STPG2: variants seen among roughly 807,000 people sequenced by gnomAD.
STPG2 encodes the protein sperm tail PG-rich repeat containing 2.
A neutral mutation model predicts 54.2 loss-of-function variants in STPG2; 56 were observed. The ratio of observed to expected loss-of-function variants is 1.03; its 90% confidence interval spans 0.83 to 1.29. The LOEUF (loss-of-function observed/expected upper bound fraction) is 1.29, where lower values mean the gene tolerates loss of function less well. Among genes scored for constraint, STPG2 ranks in the 50% most tolerant of loss-of-function variants. The pLI is 0.00. For synonymous variants in STPG2, 200 were observed against 181.8 expected, an observed-to-expected ratio of 1.10 and a Z score of -0.81; for missense variants, 596 against 544.9, an observed-to-expected ratio of 1.09 and a Z score of -0.93.
chr4:97,548,485 A>G (rs1458919459), intron 4 of STPG2, among the ~76,000 whole-genome samples: 5 of 152,164 alleles, frequency 3.3e-5, no homozygotes, highest in African/African-American at 9.7e-5. Context: ...CTTGTTCACA[A>G]CTACATTCCC....
At chr4:98,016,053 G>C (rs867379451) in intron 5 of STPG2, among the ~76,000 whole-genome samples, 1 of 152,156 alleles carries the variant, frequency 6.6e-6, no homozygotes, top group African/African-American at 2.4e-5. Flanking sequence ...TCCAGGGCCT[G>C]TGTGGGGGTG....
intron 10 of STPG2, among the ~76,000 whole-genome samples, chr4:97,635,009 C>G (rs376252410): frequency 1.8e-4 from 28 of 151,996 alleles, no homozygotes; most frequent in East Asian, 5.8e-4. Flanking sequence ...GATACTCCTC[C>G]AGAAGAGCAA....
chr4:97,573,885 C>T (rs1732658892), intron 10 of STPG2, among the ~76,000 whole-genome samples: 1 of 152,042 alleles, frequency 6.6e-6, no homozygotes. Context: ...GCTGATAGAG[C>T]CAGTGCCCTT....
chr4:97,645,612 TG>T (rs1452165906), intron 10 of STPG2, among the ~76,000 whole-genome samples: 1 of 152,068 alleles, frequency 6.6e-6, no homozygotes, highest in African/African-American at 2.4e-5. Flanking sequence ...TTTATGATCA[TG>T]GGGGGTTGGC....
intron 10 of STPG2, among the ~76,000 whole-genome samples, chr4:97,636,995 G>T (rs1324006804): frequency 3.3e-5 from 5 of 152,290 alleles, no homozygotes; most frequent in East Asian, 1.9e-4. Flanking sequence ...CATTTTATGA[G>T]GCCAGCATCA....
intron 10 of STPG2, among the ~76,000 whole-genome samples, chr4:97,571,874 T>G (rs1348687755): frequency 6.6e-6 from 1 of 152,178 alleles, no homozygotes; most frequent in African/African-American, 2.4e-5. Flanking sequence ...TGACATATCT[T>G]TTGGCTTTTT....
intron 5 of STPG2, among the ~76,000 whole-genome samples, chr4:97,987,616 A>G (rs963439918): frequency 1.6e-4 from 24 of 152,174 alleles, no homozygotes; most frequent in Admixed American, 4.6e-4. Flanking sequence ...TTTTATACTT[A>G]TCAATTCAAA....
chr4:97,903,139 G>A (rs149170005), intron 8 of STPG2, among the ~76,000 whole-genome samples: 7 of 152,162 alleles, frequency 4.6e-5, no homozygotes, highest in East Asian at 1.9e-4. Flanking sequence ...GACACCTACC[G>A]CACAGCATAG....
chr4:97,955,850 G>T (rs923205452), intron 7 of STPG2, among the ~76,000 whole-genome samples: 2 of 152,066 alleles, frequency 1.3e-5, no homozygotes, highest in East Asian at 3.9e-4. Context: ...TTAAAGTGCT[G>T]AAAATAATCA....
At chr4:97,756,003 G>A (rs910390321) in intron 9 of STPG2, among the ~76,000 whole-genome samples, 4 of 152,054 alleles carry the variant, frequency 2.6e-5, no homozygotes, top group South Asian at 2.1e-4. Flanking sequence ...TTATGCTTCC[G>A]ATTGGACCAA....
intron 5 of STPG2, among the ~76,000 whole-genome samples, chr4:98,004,267 T>G (rs1735506325): frequency 6.6e-6 from 1 of 152,198 alleles, no homozygotes; most frequent in Non-Finnish European, 1.5e-5. Flanking sequence ...TTATTTCACT[T>G]AGCATAATGT....
chr4:97,920,457 C>A (rs921522), intron 8 of STPG2, among the ~76,000 whole-genome samples: 2 of 151,904 alleles, frequency 1.3e-5, no homozygotes, highest in Non-Finnish European at 2.9e-5. Flanking sequence ...GTTTCTCTAC[C>A]GACTGGGGTG....
intron 4 of STPG2, among the ~76,000 whole-genome samples, chr4:97,454,836 T>G (rs2148801858): frequency 6.6e-6 from 1 of 152,258 alleles, no homozygotes; most frequent in South Asian, 2.1e-4. Flanking sequence ...TCTTTCAAAC[T>G]GTCTAGAAAG....
intron 9 of STPG2, among the ~76,000 whole-genome samples, chr4:97,803,945 C>G (rs1377483397): frequency 6.6e-6 from 1 of 152,180 alleles, no homozygotes; most frequent in African/African-American, 2.4e-5. Context: ...CCCACCTAAA[C>G]AAGACATTTA....
At chr4:97,593,852 T>C (rs746777245) in intron 10 of STPG2, among the ~76,000 whole-genome samples, 12 of 151,116 alleles carry the variant, frequency 7.9e-5, no homozygotes, top group Non-Finnish European at 1.5e-4. Context: ...AGGGGCTAGG[T>C]AACCGCCCCC....
At chr4:97,702,501 C>A (rs937288784) in intron 10 of STPG2, among the ~76,000 whole-genome samples, 1 of 152,098 alleles carries the variant, frequency 6.6e-6, no homozygotes, top group African/African-American at 2.4e-5. Context: ...GGTCTAGAAG[C>A]AAATGGGGGC....
At chr4:97,550,313 G>A (rs1162177787) in intron 4 of STPG2, among the ~76,000 whole-genome samples, 2 of 151,788 alleles carry the variant, frequency 1.3e-5, no homozygotes. Context: ...GTGTCTTAAT[G>A]TTTGTAATCT....
At chr4:97,460,788 T>C (rs1200115808) in intron 4 of STPG2, among the ~76,000 whole-genome samples, 1 of 152,198 alleles carries the variant, frequency 6.6e-6, no homozygotes. Flanking sequence ...GAGCCTGCAA[T>C]AGCCACAAGA....
At chr4:97,653,116 T>TAGAC (rs1456782662) in intron 10 of STPG2, among the ~76,000 whole-genome samples, 1 of 117,566 alleles carries the variant, frequency 8.5e-6, no homozygotes, top group African/African-American at 3.6e-5. Flanking sequence ...GATAGATAGG[T>TAGAC]AGATAGATAG....
Sources: allele counts gnomAD v4.1 joint callset (sites outside exome capture counted in the v4.1 genomes callset), GRCh38; gene constraint gnomAD v4.1.1; transcripts MANE v1.5; gene names NCBI Gene and HGNC (gene_info 2026-07-23, HGNC 2026-07-21).